Variants in FKBP2 observed in about 807,000 individuals in gnomAD.
FKBP2 encodes FKBP prolyl isomerase 2, also known as peptidyl-prolyl cis-trans isomerase FKBP2.
Under a neutral mutation model 19.4 loss-of-function variants are expected in FKBP2, and 15 were observed. That is an observed-to-expected ratio of 0.77 (90% confidence interval 0.52 to 1.19). FKBP2 has a LOEUF of 1.19. Among genes scored for constraint, FKBP2 ranks in the 50% most tolerant of loss-of-function variants. FKBP2 has a pLI of 0.00. For missense variants in FKBP2, 170 were observed against 179.0 expected, an observed-to-expected ratio of 0.95 and a Z score of 0.29; for synonymous variants, 76 against 74.8, an observed-to-expected ratio of 1.02 and a Z score of -0.08.
rs368428015 is a variant in FKBP2 at position 64,244,082 on chromosome 11, C to CA, written c.*63dup. On this transcript the variant is annotated 3_prime_UTR_variant, in exon 6 of 6. Coordinates refer to ENST00000309366, the MANE Select transcript of FKBP2 (RefSeq NM_004470.4). ...GCCCCCATCAGGGACCAGACTGTTC[C>CA]AAAAAAAAAACAAAAAACAAAAACA... 143,200 of 1,134,228 alleles carry CA rather than the reference C, an allele frequency of 0.13. 2,163 individuals are homozygous for CA. The highest frequency in any genetic ancestry group is 0.15 in the Non-Finnish European group (123,082 of 827,740). The allele number at this position is 1,134,228 out of a possible 1,614,324, so 70.3% of individuals were successfully genotyped here. A position where few individuals can be genotyped will look rare whatever the true frequency, so the allele number is the denominator to read the frequency against.
At chr11:64,242,949 A>C (rs576562714) in intron 2 of FKBP2, among the ~76,000 whole-genome samples, 1 of 152,310 alleles carries the variant, frequency 6.6e-6, no homozygotes, top group South Asian at 2.1e-4. Flanking sequence ...GCGGGCGCCT[A>C]TAATCCCAGC....
chr11:64,243,438 T>C lies in FKBP2; in HGVS notation c.285-13T>C. ...TGGGTGCTGCCATGGGCTGAGCATG[T>C]GTCTTCCTGCAGGATGTGTGAGGGG... On this transcript the variant is annotated splice_polypyrimidine_tract_variant and intron_variant, in intron 3 of 5. Transcript: ENST00000309366. 1.2e-6 allele frequency: 2 copies of C among 1,613,984 alleles called. No individual in the cohort carries two copies. The highest frequency in any genetic ancestry group is 1.7e-6 in the Non-Finnish European group (2 of 1,179,980).
At chr11:64,242,248 G>T in intron 1 of FKBP2, 136 bp from the exon 2 acceptor site, 1 of 865,580 alleles carries the variant, frequency 1.2e-6, no homozygotes, top group East Asian at 3.3e-5. Flanking sequence ...GGAGAGGGCG[G>T]TGACCCGGGA....
chr11:64,242,404 T>C lies in FKBP2; in HGVS notation c.17T>C (p.Phe6Ser), dbSNP rs777205522. 1.3e-6 allele frequency: 2 copies of C among 1,543,294 alleles called. No individual in the cohort carries two copies. Among genetic ancestry groups the C allele is most frequent in the Admixed American group, 4.3e-5 (2 of 46,278 alleles). ...CACAGAGACATGAGGCTGAGCTGGTTCCGGGTCCTGACAGTACTGTCCATC... is the reference window on the plus strand; with the variant it reads ...CACAGAGACATGAGGCTGAGCTGGTCCCGGGTCCTGACAGTACTGTCCATC... MRLSW[F>S]RVLTVLSICL... The change falls in exon 2 of 6, where the codon TTC becomes TCC. Residue 6 changes from phenylalanine (F) to serine (S), a missense_variant. Coordinates refer to ENST00000309366, the MANE Select transcript of FKBP2 (RefSeq NM_004470.4).
intron 5 of FKBP2, 42 bp downstream of exon 5, chr11:64,243,918 CA>C: frequency 6.2e-7 from 1 of 1,613,990 alleles, no homozygotes; most frequent in Non-Finnish European, 8.5e-7. Context: ...GCAGCCAGCC[CA>C]CCTCCCTGTG....
rs899718792 is a variant in FKBP2 at position 64,242,364 on chromosome 11, G to A, written c.-4-20G>A. ...GCCCTCCCCCACGTTCAGTCGGTCG[G>A]TCGGGGTCTGTGCCCACAGAGACAT... On this transcript the variant is annotated intron_variant, in intron 1 of 5. Coordinates refer to ENST00000309366, the MANE Select transcript of FKBP2 (RefSeq NM_004470.4). 1.3e-6 allele frequency: 2 copies of A among 1,488,028 alleles called. No individual in the cohort carries two copies. Among genetic ancestry groups the A allele is most frequent in the African/African-American group, 1.5e-5 (1 of 68,190 alleles). 92.2% of individuals were successfully genotyped at this position (1,488,028 alleles called of 1,614,324 possible).
rs1217626862 is a variant in FKBP2 at position 64,243,534 on chromosome 11, G to T, written c.331+37G>T. ...CTCCTGAGGGTGCAGAGCGAGTTTG[G>T]GGTGTGTGACTGGGAAGGGTGAAAG... On this transcript the variant is annotated intron_variant, in intron 4 of 5. Transcript: ENST00000309366. 3.1e-6 allele frequency: 5 copies of T among 1,611,608 alleles called. No homozygotes were observed. The South Asian group carries it at 3.3e-5, about 11-fold the overall frequency.
rs1033887897 is a variant in FKBP2 at position 64,242,449 on chromosome 11, C to G, written c.62C>G (p.Thr21Arg). Residue 21 changes from threonine (T) to arginine (R), a missense_variant, in exon 2 of 6, where the codon ACG (threonine) becomes AGG (arginine). Physicochemically the swap from Thr to Arg is moderately conservative, Grantham distance 71. Transcript: ENST00000309366. ...TCCATCTGCCTGAGCGCCGTGGCCA[C>G]GGCCACGGGGGCCGAGGGCAAAAGG... is the stretch of plus-strand genomic sequence containing the variant. ...VLSICLSAVA[T>R]ATGAEGKRKL... The G allele has an allele frequency of 4.5e-6, 7 of 1,548,764 alleles. No homozygotes were observed. Among genetic ancestry groups the G allele is most frequent in the Non-Finnish European group, 5.2e-6 (6 of 1,153,586 alleles).
chr11:64,242,635 C>T, intron 2 of FKBP2, 77 bp downstream of exon 2: 1 of 1,446,506 alleles, frequency 6.9e-7, no homozygotes, highest in Non-Finnish European at 9.2e-7. Flanking sequence ...TCTGGTTCTC[C>T]ATAAGCCAGG....
intron 3 of FKBP2, 28 bp downstream of exon 3, chr11:64,243,339 G>GT (rs758938789): frequency 1.6e-5 from 25 of 1,598,568 alleles, no homozygotes; most frequent in Non-Finnish European, 2.1e-5. Context: ...GGGCTTGGGA[G>GT]TGGGGGCGTG....
intron 4 of FKBP2, 95 bp downstream of exon 4, chr11:64,243,592 C>A: frequency 1.4e-6 from 2 of 1,477,892 alleles, no homozygotes; most frequent in Non-Finnish European, 9.4e-7. Context: ...TTCACCGTAT[C>A]CATTCATTAC....
rs942263665 is a variant in FKBP2 at position 64,242,214 on chromosome 11, G to T, written c.-4-170G>T. 5.1e-6 allele frequency: 3 copies of T among 592,994 alleles called. No homozygotes were observed. In the East Asian group the frequency reaches 1.0e-4, roughly 21 times the overall value. 36.7% of individuals were successfully genotyped at this position (592,994 alleles called of 1,614,324 possible). A position where few individuals can be genotyped will look rare whatever the true frequency, so the allele number is the denominator to read the frequency against. ...GCCAAGCCCCCTTCTCACTGGACTG[G>T]TAAGTGTGGCCCCGGAGCCCGGGGG... On this transcript the variant is annotated intron_variant, in intron 1 of 5. Coordinates refer to ENST00000309366, the MANE Select transcript of FKBP2 (RefSeq NM_004470.4).
In FKBP2 at chr11:64,243,843, T is replaced by G; in HGVS notation, c.334T>G (p.Tyr112Asp). ...RKLVIPSELG[Y>D]GERGAPPKIP... ...GTTTCTTTGTGCATCTTCAACAGGG[T>G]ATGGAGAGCGGGGAGCTCCCCCAAA... The change falls in exon 5 of 6, where the codon TAT (tyrosine) becomes GAT (aspartate). Residue 112 changes from tyrosine to aspartate, a missense_variant and splice_region_variant. Coordinates refer to ENST00000309366, the MANE Select transcript of FKBP2 (RefSeq NM_004470.4). 4 of 1,614,048 alleles carry G rather than the reference T, an allele frequency of 2.5e-6. No individual in the cohort carries two copies. Among genetic ancestry groups the G allele is most frequent in the Non-Finnish European group, 3.4e-6 (4 of 1,179,960 alleles).
At chr11:64,243,126 G>A in intron 2 of FKBP2, 73 bp from the exon 3 acceptor site, 1 of 1,396,278 alleles carries the variant, frequency 7.2e-7, no homozygotes, top group South Asian at 1.2e-5. Flanking sequence ...GCAGCTTGAT[G>A]GGGAAAGCAG....
intron 1 of FKBP2, 41 bp from the exon 2 acceptor site, chr11:64,242,341 CCT>C: frequency 6.8e-7 from 1 of 1,467,104 alleles, no homozygotes; most frequent in Non-Finnish European, 9.0e-7. Context: ...CTCTCCCTGC[CCT>C]CCCCCACGTT....
chr11:64,242,936 G>A (rs906562475), intron 2 of FKBP2, among the ~76,000 whole-genome samples: 2 of 152,232 alleles, frequency 1.3e-5, no homozygotes, highest in Non-Finnish European at 2.9e-5. Context: ...GCCAGGCGTG[G>A]TGGCGGGCGC....
Position 64,243,460 on chromosome 11 carries a change from G to A in FKBP2, c.294G>A (p.Glu98=), listed in dbSNP as rs1204551213. ...ATGTGTCTTCCTGCAGGATGTGTGA[G>A]GGGGAAAAGCGCAAGCTGGTGATCC... The part of the protein sequence containing the change: ...GWDQGLLGMC[E]GEKRKLVIPS... Residue 98 remains glutamate (E), a synonymous_variant, in exon 4 of 6, where the codon GAG becomes GAA. Coordinates refer to ENST00000309366, the MANE Select transcript of FKBP2 (RefSeq NM_004470.4). 3.7e-6 allele frequency: 6 copies of A among 1,613,928 alleles called. No homozygotes were observed. The highest frequency in any genetic ancestry group is 1.7e-4 in the Middle Eastern group (1 of 6,002).
chr11:64,244,013 G>C lies in FKBP2; in HGVS notation c.413G>C (p.Arg138Pro). ...GAGGTGGAGCTGCTCAAAATAGAGC[G>C]ACGAACTGAGCTGTAACCAGACTGG... ...VFEVELLKIE[R>P]RTEL Residue 138 changes from arginine (R) to proline (P), a missense_variant, in exon 6 of 6, where the codon CGA becomes CCA. Coordinates refer to ENST00000309366, the MANE Select transcript of FKBP2 (RefSeq NM_004470.4). 2.5e-6 allele frequency: 4 copies of C among 1,613,862 alleles called. No homozygotes were observed. Among genetic ancestry groups the C allele is most frequent in the Non-Finnish European group, 3.4e-6 (4 of 1,179,958 alleles).
rs111312054 is a variant in FKBP2, at chr11:64,243,276, C to T, written c.249C>T (p.Gly83=). Residue 83 remains glycine, a synonymous_variant, in exon 3 of 6, where the codon GGC becomes GGT. Coordinates refer to ENST00000309366, the MANE Select transcript of FKBP2 (RefSeq NM_004470.4). ...NQPFVFSLGT[G]QVIKGWDQGL... Reference sequence around the variant, plus strand: ...CCTTTGTCTTCTCCCTTGGCACAGGCCAGGTCATCAAGGGCTGGGACCAGG... The same window carrying T: ...CCTTTGTCTTCTCCCTTGGCACAGGTCAGGTCATCAAGGGCTGGGACCAGG... 6 of 1,610,710 alleles carry T rather than the reference C, an allele frequency of 3.7e-6. No homozygotes were observed. The highest frequency in any genetic ancestry group is 1.7e-5 in the Admixed American group (1 of 59,728).
Sources: gnomAD v4.1 joint callset for allele counts (sites outside exome capture counted in the v4.1 genomes callset) on GRCh38, gnomAD v4.1.1 for gene constraint, MANE v1.5 for transcripts, NCBI Gene and HGNC (gene_info 2026-07-23, HGNC 2026-07-21) for gene names.